The following CYTH3 variants were observed in gnomAD, a reference collection of about 807,000 sequenced individuals.
The protein encoded by CYTH3 is cytohesin 3.
In CYTH3, 23 loss-of-function variants were observed where a neutral mutation model predicts 55.1. The observed-to-expected ratio is 0.42, with a 90% confidence interval of 0.30 to 0.59. The LOEUF is 0.59. CYTH3 is among the 20% of genes least tolerant of loss of function. CYTH3 has a pLI of 0.20. For synonymous variants in CYTH3, 249 were observed against 194.9 expected, an observed-to-expected ratio of 1.28 and a Z score of -2.31; for missense variants, 413 against 524.8, an observed-to-expected ratio of 0.79 and a Z score of 2.08.
chr7:6,261,328 C>T (rs1328089450), intron 1 of CYTH3, among the ~76,000 whole-genome samples: 3 of 152,104 alleles, frequency 2.0e-5, no homozygotes, highest in Non-Finnish European at 4.4e-5. Context: ...GTAGAAGAGG[C>T]CCTGGGAAGC....
At chr7:6,220,324 T>C in intron 1 of CYTH3, among the ~76,000 whole-genome samples, 1 of 152,134 alleles carries the variant, frequency 6.6e-6, no homozygotes, top group Non-Finnish European at 1.5e-5. Context: ...AAACCTCATA[T>C]TTTATACAAA....
intron 1 of CYTH3, among the ~76,000 whole-genome samples, chr7:6,244,873 C>T (rs1411056661): frequency 1.3e-5 from 2 of 150,600 alleles, no homozygotes; most frequent in African/African-American, 4.9e-5. Flanking sequence ...ACTGCAACCT[C>T]TGCCTCCCGG....
chr7:6,215,325 T>C (rs1007749791), intron 1 of CYTH3, among the ~76,000 whole-genome samples: 2 of 152,140 alleles, frequency 1.3e-5, no homozygotes, highest in African/African-American at 4.8e-5. Context: ...GTGCGGTGGC[T>C]CACGCCTGTA....
rs184752712 is a variant in CYTH3, at chr7:6,187,111, G to A, written c.188C>T (p.Thr63Met). The A allele has an allele frequency of 1.3e-5, 21 of 1,614,002 alleles. No homozygotes were observed. Among genetic ancestry groups the A allele is most frequent in the African/African-American group, 8.0e-5 (6 of 75,026 alleles). ...GGCTATCTGTTTGTTCCTCTGAGTC[G>A]TTTTGCTATTGGTGTGAAATAATTT... Reference protein sequence around the residue: ...DNLTSVEESKTTQRNKQIAMG... With the variant: ...DNLTSVEESKMTQRNKQIAMG... Residue 63 changes from threonine to methionine, a missense_variant, in exon 4 of 13, where the codon ACG becomes ATG. By Grantham distance (81) the Thr-to-Met change is moderately conservative. Transcript: ENST00000350796.
chr7:6,185,908 C>T (rs1031179526), intron 4 of CYTH3, among the ~76,000 whole-genome samples: 4 of 151,958 alleles, frequency 2.6e-5, no homozygotes, highest in East Asian at 1.9e-4. Flanking sequence ...AACTCATTAG[C>T]ACAGAGGCTC....
intron 1 of CYTH3, among the ~76,000 whole-genome samples, chr7:6,235,998 C>T (rs529231487): frequency 6.6e-6 from 1 of 152,272 alleles, no homozygotes; most frequent in South Asian, 2.1e-4. Flanking sequence ...AAAAATGAAA[C>T]CAGCCTAGCC....
chr7:6,225,114 T>C (rs1779211479), intron 1 of CYTH3, among the ~76,000 whole-genome samples: 1 of 152,194 alleles, frequency 6.6e-6, no homozygotes, highest in South Asian at 2.1e-4. Context: ...GATCAGGTGA[T>C]GGCTGTAATT....
chr7:6,214,619 G>A (rs983943352), intron 1 of CYTH3, among the ~76,000 whole-genome samples: 1 of 152,118 alleles, frequency 6.6e-6, no homozygotes, highest in South Asian at 2.1e-4. Flanking sequence ...GCCTAGGAAT[G>A]ACCTCAGAAC....
intron 1 of CYTH3, among the ~76,000 whole-genome samples, chr7:6,244,991 T>G (rs1779770340): frequency 4.0e-5 from 5 of 125,338 alleles, no homozygotes; most frequent in African/African-American, 1.6e-4. Context: ...TTTTTTTTTT[T>G]TTGTATTTTT....
At chr7:6,237,331 G>A (rs991475585) in intron 1 of CYTH3, among the ~76,000 whole-genome samples, 9 of 152,184 alleles carry the variant, frequency 5.9e-5, no homozygotes, top group African/African-American at 9.6e-5. Flanking sequence ...CTGATAAAAG[G>A]CTGAGAAAAT....
Position 6,251,954 on chromosome 7 carries a change from T to A in CYTH3, c.34+20520A>T, listed in dbSNP as rs1217188539. Reference sequence around the variant, plus strand: ...AAACAAAATGCTTGAGATAAGTATGTGAAAATCACTAGTCTTATGATCATT... The same window carrying A: ...AAACAAAATGCTTGAGATAAGTATGAGAAAATCACTAGTCTTATGATCATT... On this transcript the variant is annotated intron_variant, in intron 1 of 12. Coordinates refer to ENST00000350796, the MANE Select transcript of CYTH3 (RefSeq NM_004227.4). Among the ~76,000 whole-genome samples the A allele has an allele frequency of 2.0e-5, 3 of 152,224 alleles. No homozygotes were observed. The East Asian group carries it at 5.8e-4, about 29-fold the overall frequency.
chr7:6,220,793 C>T (rs1422845714), intron 1 of CYTH3, among the ~76,000 whole-genome samples: 5 of 151,914 alleles, frequency 3.3e-5, no homozygotes, highest in Admixed American at 1.3e-4. Context: ...CTCAGGAGTT[C>T]GAGACCAGCC....
intron 1 of CYTH3, among the ~76,000 whole-genome samples, chr7:6,225,377 G>C (rs1264508115): frequency 6.7e-6 from 1 of 150,066 alleles, no homozygotes; most frequent in Non-Finnish European, 1.5e-5. Context: ...TTTTGAGACA[G>C]AGTTTCACTC....
intron 1 of CYTH3, among the ~76,000 whole-genome samples, chr7:6,236,769 G>A (rs1014019025): frequency 3.3e-5 from 5 of 150,686 alleles, no homozygotes; most frequent in Admixed American, 2.0e-4. Flanking sequence ...CACCATGTTG[G>A]CTAGGCTGGT....
intron 4 of CYTH3, among the ~76,000 whole-genome samples, chr7:6,184,699 C>T (rs1783592813): frequency 6.6e-6 from 1 of 152,148 alleles, no homozygotes; most frequent in African/African-American, 2.4e-5. Flanking sequence ...GCGCCTCAGC[C>T]TCCCGAGTAG....
chr7:6,198,095 A>G (rs1011223392), intron 1 of CYTH3, among the ~76,000 whole-genome samples: 17 of 139,520 alleles, frequency 1.2e-4, no homozygotes, highest in African/African-American at 4.1e-4. Flanking sequence ...CACTCTTAAG[A>G]AAAAAAAAAA....
rs183326058 is a variant in CYTH3 at position 6,168,924 on chromosome 7, T to C, written c.823+1611A>G. ...TCTAATCAAACGAACATCCCACTTA[T>C]CCCGGCCCCAGAGTGCCTGCCGGCA... On this transcript the variant is annotated intron_variant, in intron 9 of 12. Coordinates refer to ENST00000350796, the MANE Select transcript of CYTH3 (RefSeq NM_004227.4). 1.8e-4 allele frequency among the ~76,000 whole-genome samples: 28 copies of C among 152,158 alleles called. No homozygotes were observed. The East Asian group carries it at 4.7e-3, about 25-fold the overall frequency.
intron 9 of CYTH3, among the ~76,000 whole-genome samples, chr7:6,168,262 A>G (rs984785678): frequency 6.8e-6 from 1 of 146,950 alleles, no homozygotes; most frequent in African/African-American, 2.5e-5. Flanking sequence ...TCAAGACTCG[A>G]AGTCTTAAGT....
At chr7:6,232,597 C>T (rs1000686840) in intron 1 of CYTH3, among the ~76,000 whole-genome samples, 1 of 152,128 alleles carries the variant, frequency 6.6e-6, no homozygotes, top group Non-Finnish European at 1.5e-5. Flanking sequence ...TGACAAGAAA[C>T]AGACAATTTG....
Sources: gnomAD v4.1 joint callset for allele counts (sites outside exome capture counted in the v4.1 genomes callset) on GRCh38, gnomAD v4.1.1 for gene constraint, MANE v1.5 for transcripts, NCBI Gene and HGNC (gene_info 2026-07-23, HGNC 2026-07-21) for gene names.